The following PUDP variants were observed in gnomAD, a reference collection of about 807,000 sequenced individuals.
PUDP encodes pseudouridine 5'-phosphatase, also known as pseudouridine-5'-phosphatase.
Under a neutral mutation model 9.4 loss-of-function variants are expected in PUDP, and 8 were observed. The observed-to-expected ratio is 0.85, with a 90% confidence interval of 0.50 to 1.53. The LOEUF is 1.53. PUDP is among the 40% of genes most tolerant of loss of function. The pLI is 0.00. For missense variants in PUDP, 188 were observed against 189.7 expected, an observed-to-expected ratio of 0.99 and a Z score of 0.05; for synonymous variants, 99 against 80.7, an observed-to-expected ratio of 1.23 and a Z score of -1.22.
intron 3 of PUDP, among the ~76,000 whole-genome samples, chrX:6,900,575 G>GAAAAAGAGAGAGGGAT (rs765184346): frequency 9.6e-6 from 1 of 103,936 alleles, no homozygotes; most frequent in African/African-American, 3.5e-5. Context: ...GAGAGAGGGA[G>GAAAAAGAGAGAGGGAT]ACGGAGAGGG....
chrX:6,709,371 C>T lies in PUDP; in HGVS notation n.129-2905G>A, dbSNP rs753038136. Among the ~76,000 whole-genome samples the T allele has an allele frequency of 2.0e-4, 22 of 111,673 alleles. No individual in the cohort carries two copies. In the South Asian group the frequency reaches 8.0e-3, roughly 40 times the overall value. ...ACACTCTCAGGCCCTTATACCCATC[C>T]TCCAGTCCCAAATGTCCTTCCACTC... On this transcript the variant is annotated intron_variant and non_coding_transcript_variant, in intron 1 of 2. Transcript: ENST00000438499.
intron 3 of PUDP, among the ~76,000 whole-genome samples, chrX:7,058,182 G>A (rs934270924): frequency 8.9e-6 from 1 of 112,071 alleles, no homozygotes; most frequent in African/African-American, 3.2e-5. Flanking sequence ...TTTCGTAACC[G>A]ATTTTACCTT....
intron 3 of PUDP, among the ~76,000 whole-genome samples, chrX:6,872,205 G>T (rs1927185495): frequency 1.8e-5 from 2 of 111,478 alleles, no homozygotes; most frequent in African/African-American, 6.5e-5. Context: ...GTCCATACCT[G>T]CAGAGTTGGT....
intron 2 of PUDP, among the ~76,000 whole-genome samples, chrX:7,093,921 T>C (rs1162048338): frequency 1.8e-5 from 2 of 110,315 alleles, no homozygotes; most frequent in African/African-American, 6.6e-5. Context: ...GCCTGAACAA[T>C]ATAGTAGGGC....
chrX:7,120,986 A>AG (rs1367290812), intron 1 of PUDP, among the ~76,000 whole-genome samples: 2 of 111,852 alleles, frequency 1.8e-5, no homozygotes, highest in East Asian at 5.6e-4. Flanking sequence ...AGAGAGAGGC[A>AG]GGGGTTGCAG....
At chrX:7,121,254 C>T (rs1232096908) in intron 1 of PUDP, among the ~76,000 whole-genome samples, 1 of 111,759 alleles carries the variant, frequency 8.9e-6, no homozygotes, top group Non-Finnish European at 1.9e-5. Flanking sequence ...CATAAATGAC[C>T]CCTGGAATCC....
chrX:7,110,053 G>C (rs1055612771), intron 1 of PUDP, among the ~76,000 whole-genome samples: 5 of 112,505 alleles, frequency 4.4e-5, no homozygotes, highest in African/African-American at 1.6e-4. Context: ...ATGGGGAGGG[G>C]GAGAGCCTGG....
chrX:6,752,465 T>C (rs1390404872), intron 3 of PUDP, among the ~76,000 whole-genome samples: 7 of 112,011 alleles, frequency 6.2e-5, no homozygotes, highest in Non-Finnish European at 1.3e-4. Context: ...CAGGCTGTCC[T>C]TTTTTAAAAG....
chrX:7,011,043 C>T (rs1475666503), intron 1 of PUDP, among the ~76,000 whole-genome samples: 11 of 112,177 alleles, frequency 9.8e-5, no homozygotes, highest in Non-Finnish European at 1.3e-4. Flanking sequence ...AGAAACATCT[C>T]GGGTTGGTAA....
intron 1 of PUDP, among the ~76,000 whole-genome samples, chrX:7,001,562 G>A (rs757914597): frequency 2.7e-4 from 30 of 111,508 alleles, no homozygotes; most frequent in African/African-American, 8.4e-4. Context: ...TGTAGAATTA[G>A]GACTGGAACA....
chrX:6,998,862 A>G (rs1048071170), intron 1 of PUDP, among the ~76,000 whole-genome samples: 1 of 111,577 alleles, frequency 9.0e-6, no homozygotes, highest in Non-Finnish European at 1.9e-5. Context: ...TTTCAGAGAA[A>G]GATGACTACT....
intron 1 of PUDP, among the ~76,000 whole-genome samples, chrX:7,129,404 A>G (rs1278902690): frequency 8.9e-6 from 1 of 111,968 alleles, no homozygotes; most frequent in African/African-American, 3.2e-5. Context: ...CTGTCAATAC[A>G]CATGCCATGT....
Position 6,996,975 on chromosome X carries a change from AT to A in PUDP, c.205-18633del, listed in dbSNP as rs762026992. On this transcript the variant is annotated intron_variant and NMD_transcript_variant, in intron 1 of 3. Transcript: ENST00000655425. ...TGAGCCACCGCACAAGGCCCCTCCCATAATTCTTTTACTTAATGGTTTGACA... is the reference window on the plus strand; with the variant it reads ...TGAGCCACCGCACAAGGCCCCTCCCAAATTCTTTTACTTAATGGTTTGACA... Among the ~76,000 whole-genome samples the A allele has an allele frequency of 3.7e-4, 41 of 110,860 alleles. 1 individual carries two copies. Among genetic ancestry groups the A allele is most frequent in the African/African-American group, 1.3e-3 (39 of 30,526 alleles).
intron 1 of PUDP, among the ~76,000 whole-genome samples, chrX:7,012,881 T>C (rs892424792): frequency 1.8e-5 from 2 of 110,881 alleles, no homozygotes; most frequent in Non-Finnish European, 3.8e-5. Context: ...TATTATCCAT[T>C]CAGCAATATG....
chrX:6,825,207 C>T (rs1179785125), intron 3 of PUDP, among the ~76,000 whole-genome samples: 1 of 111,635 alleles, frequency 9.0e-6, no homozygotes, highest in Non-Finnish European at 1.9e-5. Context: ...AAAAATATAT[C>T]CCTGGGCAAC....
intron 3 of PUDP, among the ~76,000 whole-genome samples, chrX:6,937,168 C>T (rs1399444478): frequency 1.5e-4 from 12 of 81,738 alleles, no homozygotes; most frequent in African/African-American, 4.3e-4. Flanking sequence ...GAGCCCGCAT[C>T]GCCAAGTCAA....
intron 1 of PUDP, among the ~76,000 whole-genome samples, chrX:7,031,198 G>A (rs1041213298): frequency 3.6e-5 from 4 of 111,228 alleles, no homozygotes; most frequent in South Asian, 3.9e-4. Flanking sequence ...ATCTTGTGCC[G>A]ACCTCCTGTC....
chrX:6,976,412 C>A (rs770060503), intron 3 of PUDP, among the ~76,000 whole-genome samples: 5 of 111,586 alleles, frequency 4.5e-5, no homozygotes, highest in Admixed American at 9.5e-5. Flanking sequence ...ATGCACCATT[C>A]CTCATGGCAC....
chrX:6,928,357 C>T lies in PUDP; in HGVS notation c.*247+48776G>A, dbSNP rs144453894. Among the ~76,000 whole-genome samples the T allele has an allele frequency of 5.4e-3, 600 of 111,400 alleles. 4 individuals are homozygous for T. The highest frequency in any genetic ancestry group is 0.018 in the African/African-American group (567 of 30,672). On this transcript the variant is annotated intron_variant and NMD_transcript_variant, in intron 3 of 3. Coordinates refer to the PUDP transcript ENST00000655425. ...GGAACTTCAGTTTCAATGGGAGAGA[C>T]AGGGGTTTGGGGAGGACATCAGAGA... is the stretch of plus-strand genomic sequence containing the variant.
Sources: gnomAD v4.1 joint callset for allele counts (sites outside exome capture counted in the v4.1 genomes callset) on GRCh38, gnomAD v4.1.1 for gene constraint, MANE v1.5 for transcripts, NCBI Gene and HGNC (gene_info 2026-07-23, HGNC 2026-07-21) for gene names.